The following SCN11A variants were observed in gnomAD, a reference collection of about 807,000 sequenced individuals.
SCN11A encodes sodium voltage-gated channel alpha subunit 11, also known as sodium channel protein type 11 subunit alpha.
In SCN11A, 122 loss-of-function variants were observed where a neutral mutation model predicts 162.2. The observed-to-expected ratio is 0.75, with a 90% CI of 0.65 to 0.87. SCN11A has a LOEUF of 0.87. Among genes scored for constraint, SCN11A ranks in the 40% least tolerant of loss-of-function variants. The pLI, the probability that SCN11A is intolerant of heterozygous loss-of-function variation, is 0.00. For synonymous variants in SCN11A, 758 were observed against 751.5 expected (o/e 1.01, Z -0.14); for missense variants, 2,015 against 2,181.6 (o/e 0.92, Z 1.52).
At chr3:39,015,851 C>T (rs370210279) in intron 2 of SCN11A, among the ~76,000 whole-genome samples, 8 of 152,182 alleles carry the variant, frequency 5.3e-5, no homozygotes, top group Admixed American at 3.3e-4. Flanking sequence ...ATTCTCCTGC[C>T]TCAGCCTCCC....
chr3:38,971,480 C>T lies in SCN11A; in HGVS notation c.-279-11057G>A, dbSNP rs969984615. ...ACTGGCCTGGCTAAGGCTCACCTCT[C>T]TGTCCTCATCTCCCCCGCACTCATG... is the stretch of plus-strand genomic sequence containing the variant. On this transcript the variant is annotated intron_variant, in intron 2 of 29. Coordinates refer to ENST00000302328, the MANE Select transcript of SCN11A (RefSeq NM_001349253.2). 3.9e-5 allele frequency among the ~76,000 whole-genome samples: 6 copies of T among 152,206 alleles called. No homozygotes were observed. The East Asian group carries it at 9.6e-4, about 24-fold the overall frequency.
rs780327898 is a variant in SCN11A, at chr3:38,907,976, T to A, written c.1446A>T (p.Ser482=). 2 of 1,607,238 alleles carry A rather than the reference T, an allele frequency of 1.2e-6. No individual in the cohort carries two copies. Among genetic ancestry groups the A allele is most frequent in the Admixed American group, 1.7e-5 (1 of 58,180 alleles). Residue 482 remains serine, a synonymous_variant, in exon 14 of 30, where the codon TCA becomes TCT. Coordinates refer to ENST00000302328, the MANE Select transcript of SCN11A (RefSeq NM_001349253.2). ...TTTTTTGGCAATCTTCATCAGAATC[T>A]GACCCAGGAGGCTGGTCTTTCCCAG... ...RESGKDQPPG[S]DSDEDCQKKP... is the part of the protein sequence containing the mutation.
intron 2 of SCN11A, among the ~76,000 whole-genome samples, chr3:38,996,317 A>G (rs997205413): frequency 2.6e-5 from 4 of 152,216 alleles, no homozygotes; most frequent in African/African-American, 7.2e-5. Context: ...AGCATTATCC[A>G]GGGCAGGGAG....
At chr3:38,961,270 A>G (rs1328324191) in intron 2 of SCN11A, among the ~76,000 whole-genome samples, 3 of 152,234 alleles carry the variant, frequency 2.0e-5, no homozygotes, top group Non-Finnish European at 4.4e-5. Context: ...AGTTTTCTCC[A>G]TGTTAAATAT....
intron 7 of SCN11A, among the ~76,000 whole-genome samples, chr3:38,933,160 G>C (rs1240082310): frequency 6.6e-6 from 1 of 152,156 alleles, no homozygotes; most frequent in African/African-American, 2.4e-5. Flanking sequence ...TGCAGCTGAG[G>C]GTCCTGTCTG....
At chr3:38,859,952 T>C (rs2064936170) in intron 28 of SCN11A, among the ~76,000 whole-genome samples, 1 of 152,092 alleles carries the variant, frequency 6.6e-6, no homozygotes, top group Admixed American at 6.6e-5. Flanking sequence ...GGGGATAACA[T>C]CAGTACAGTA....
intron 25 of SCN11A, 41 bp downstream of exon 25, chr3:38,871,404 G>T (rs1160166367): frequency 1.3e-6 from 2 of 1,522,914 alleles, no homozygotes; most frequent in East Asian, 2.3e-5. Context: ...TTCTCTGAAG[G>T]TTTTTCTCCT....
chr3:38,991,979 T>C (rs2030466625), intron 2 of SCN11A, among the ~76,000 whole-genome samples: 1 of 152,036 alleles, frequency 6.6e-6, no homozygotes, highest in African/African-American at 2.4e-5. Context: ...CAGCTAATTT[T>C]TGTACTTTTA....
At chr3:38,907,348 A>G (rs1175187419) in intron 14 of SCN11A, among the ~76,000 whole-genome samples, 15 of 126,058 alleles carry the variant, frequency 1.2e-4, no homozygotes, top group African/African-American at 1.7e-4. Flanking sequence ...GTGTGTATAT[A>G]TCTATATATA....
chr3:38,925,587 G>T, intron 8 of SCN11A, 78 bp from the exon 9 acceptor site: 1 of 1,011,138 alleles, frequency 9.9e-7, no homozygotes, highest in Non-Finnish European at 1.6e-6. Context: ...AAAGCCACAA[G>T]TAAGCTCAGC....
chr3:39,002,090 C>T (rs554029469), intron 2 of SCN11A, among the ~76,000 whole-genome samples: 2 of 152,156 alleles, frequency 1.3e-5, no homozygotes, highest in South Asian at 4.1e-4. Flanking sequence ...AGTCTTGGCA[C>T]ACTTGTCAGA....
chr3:38,885,427 G>T, intron 20 of SCN11A, 25 bp from the exon 21 acceptor site: 2 of 1,302,936 alleles, frequency 1.5e-6, no homozygotes, highest in Non-Finnish European at 1.1e-6. Flanking sequence ...AAAACGAAGG[G>T]GGTGCCTTTT....
intron 2 of SCN11A, among the ~76,000 whole-genome samples, chr3:38,977,141 G>A (rs1281654343): frequency 2.0e-5 from 3 of 152,156 alleles, no homozygotes; most frequent in Non-Finnish European, 2.9e-5. Context: ...AAAACAAAAA[G>A]AAATTACTGT....
chr3:38,935,561 C>G (rs2066317522), intron 7 of SCN11A, among the ~76,000 whole-genome samples: 1 of 152,208 alleles, frequency 6.6e-6, no homozygotes, highest in Non-Finnish European at 1.5e-5. Flanking sequence ...ACCGATCCCA[C>G]AGAAGTACAA....
intron 1 of SCN11A, among the ~76,000 whole-genome samples, chr3:39,049,832 A>G (rs1418141679): frequency 6.6e-6 from 1 of 152,110 alleles, no homozygotes; most frequent in Admixed American, 6.5e-5. Context: ...CATGTCCTTC[A>G]CAAACTGGCC....
chr3:38,925,486 A>T lies in SCN11A; in HGVS notation c.641T>A (p.Ile214Asn), dbSNP rs764608943. 6.2e-7 allele frequency: 1 copy of T among 1,613,308 alleles called. No homozygotes were observed. The highest frequency in any genetic ancestry group is 8.5e-7 in the Non-Finnish European group (1 of 1,179,276). Reference protein sequence around the residue: ...GIAIVSYIPGITIKLLPLRTF... With the variant: ...GIAIVSYIPGNTIKLLPLRTF... ...ACGCAGGGGCAATAGTTTGATGGTG[A>T]TTCCTGGAATATATGACACAATCCT... is the stretch of plus-strand genomic sequence containing the variant. The change falls in exon 9 of 30, where the codon ATC (isoleucine) becomes AAC (asparagine). Residue 214 changes from isoleucine to asparagine, a missense_variant. Transcript: ENST00000302328.
intron 2 of SCN11A, among the ~76,000 whole-genome samples, chr3:39,029,863 G>C (rs1259193706): frequency 1.3e-5 from 2 of 152,246 alleles, no homozygotes; most frequent in African/African-American, 4.8e-5. Flanking sequence ...AAGGTGCTTA[G>C]AGACATAAAG....
chr3:38,922,913 TAGAAG>T (rs755174657), intron 9 of SCN11A, among the ~76,000 whole-genome samples: 4 of 150,034 alleles, frequency 2.7e-5, no homozygotes, highest in East Asian at 2.0e-4. Flanking sequence ...AAGCCACTGA[TAGAAG>T]AGAAAAGAAG....
intron 23 of SCN11A, among the ~76,000 whole-genome samples, chr3:38,878,639 G>A (rs116533749): frequency 0.011 from 1,702 of 152,186 alleles, 12 homozygotes; most frequent in Non-Finnish European, 0.017. Context: ...GAATCCTGTT[G>A]TAGTTTCTAT....
Sources: gnomAD v4.1 joint callset for allele counts (sites outside exome capture counted in the v4.1 genomes callset) on GRCh38, gnomAD v4.1.1 for gene constraint, MANE v1.5 for transcripts, NCBI Gene and HGNC (gene_info 2026-07-23, HGNC 2026-07-21) for gene names.